Variants in CASP8 observed in about 807,000 individuals in gnomAD.
CASP8 encodes the protein caspase-8.
In CASP8, 24 loss-of-function variants were observed where a neutral mutation model predicts 46.3. That is an observed-to-expected ratio of 0.52 (90% CI 0.38 to 0.73). CASP8 has a LOEUF of 0.73. Ranked by LOEUF, CASP8 falls within the 30% of genes least tolerant of loss-of-function variation. The pLI, the probability that CASP8 is intolerant of heterozygous loss-of-function variation, is 0.00. For synonymous variants in CASP8, 188 were observed against 200.4 expected (o/e 0.94, Z 0.52); for missense variants, 460 against 559.0 (o/e 0.82, Z 1.79).
At position 201,276,791 on chromosome 2, in the gene CASP8, C is replaced by T. The variant is rs779640487; in HGVS notation, c.661-36C>T. 9 of 1,613,446 alleles carry T rather than the reference C, an allele frequency of 5.6e-6. No individual in the cohort carries two copies. In the African/African-American group the frequency reaches 1.2e-4, roughly 22 times the overall value. Reference sequence around the variant, plus strand: ...GTTTACATCTCTAGTGTTTGACCCACAGAGTCAGCTCCTGGGTTGGGTTTT... The same window carrying T: ...GTTTACATCTCTAGTGTTTGACCCATAGAGTCAGCTCCTGGGTTGGGTTTT... On this transcript the variant is annotated intron_variant, in intron 6 of 8. Coordinates refer to ENST00000673742, the MANE Select transcript of CASP8 (RefSeq NM_001372051.1).
intron 2 of CASP8, among the ~76,000 whole-genome samples, chr2:201,245,773 T>TG (rs1472107612): frequency 6.6e-6 from 1 of 152,176 alleles, no homozygotes; most frequent in Non-Finnish European, 1.5e-5. Flanking sequence ...TGGGCATGTA[T>TG]CTCCCTGCTG....
intron 7 of CASP8, chr2:201,281,718 C>G (rs1949025208): frequency 2.0e-6 from 1 of 507,784 alleles, no homozygotes; most frequent in Non-Finnish European, 3.4e-6. Flanking sequence ...ATAATATAAT[C>G]ATTTTTAAAA....
At chr2:201,258,190 G>A, upstream of CASP8, 3 of 1,601,378 alleles carry the variant, frequency 1.9e-6, no homozygotes, top group Non-Finnish European at 2.6e-6. Flanking sequence ...TTTTTTTCAA[G>A]CCCTGCTGAA....
chr2:201,258,077 G>A, upstream of CASP8: 1 of 798,618 alleles, frequency 1.3e-6, no homozygotes, highest in Non-Finnish European at 2.1e-6. Flanking sequence ...TTACCCTGCA[G>A]TTCCTTCTGT....
At chr2:201,249,281 A>G (rs886676671) in intron 2 of CASP8, among the ~76,000 whole-genome samples, 1 of 152,198 alleles carries the variant, frequency 6.6e-6, no homozygotes, top group Non-Finnish European at 1.5e-5. Context: ...TTATTTTTAT[A>G]TGGCTATCTT....
chr2:201,286,426 C>T, intron 8 of CASP8, 33 bp from the exon 9 acceptor site: 1 of 1,607,554 alleles, frequency 6.2e-7, no homozygotes, highest in Non-Finnish European at 8.5e-7. Context: ...CTTTCCCCCA[C>T]AGACAGTCAC....
intron 2 of CASP8, among the ~76,000 whole-genome samples, chr2:201,234,360 C>A (rs763439656): frequency 6.6e-6 from 1 of 152,190 alleles, no homozygotes; most frequent in Non-Finnish European, 1.5e-5. Flanking sequence ...GTGCGGGACC[C>A]CACAACTGTG....
intron 2 of CASP8, among the ~76,000 whole-genome samples, chr2:201,244,597 T>G (rs968716950): frequency 6.6e-6 from 1 of 152,190 alleles, no homozygotes; most frequent in Non-Finnish European, 1.5e-5. Context: ...TACATTGATA[T>G]CCATCCCTTG....
At chr2:201,281,597 A>G (rs201103105) in intron 7 of CASP8, among the ~76,000 whole-genome samples, 3 of 142,350 alleles carry the variant, frequency 2.1e-5, no homozygotes, top group Admixed American at 1.5e-4. Flanking sequence ...GTTCTATCTT[A>G]TTAATTCATA....
At chr2:201,278,605 T>C (rs1470111359) in intron 7 of CASP8, among the ~76,000 whole-genome samples, 4 of 152,034 alleles carry the variant, frequency 2.6e-5, no homozygotes, top group East Asian at 1.9e-4. Context: ...AACATGATCT[T>C]GGCTCACCGC....
At chr2:201,277,301 T>C (rs1047654965) in intron 7 of CASP8, among the ~76,000 whole-genome samples, 5 of 152,202 alleles carry the variant, frequency 3.3e-5, no homozygotes, top group African/African-American at 1.2e-4. Flanking sequence ...GAAATTGCTG[T>C]GGTATCAAAG....
At chr2:201,277,318 T>C (rs559462480) in intron 7 of CASP8, among the ~76,000 whole-genome samples, 3 of 152,324 alleles carry the variant, frequency 2.0e-5, no homozygotes, top group Admixed American at 6.5e-5. Flanking sequence ...AAAGTTCTTA[T>C]AGAGGCTGCA....
chr2:201,273,950 T>C (rs949220742), intron 5 of CASP8, among the ~76,000 whole-genome samples: 1 of 152,132 alleles, frequency 6.6e-6, no homozygotes, highest in Non-Finnish European at 1.5e-5. Flanking sequence ...GCTGGGACTA[T>C]AGGCAATTAA....
chr2:201,238,762 T>C (rs1035776591), intron 2 of CASP8, among the ~76,000 whole-genome samples: 1 of 136,440 alleles, frequency 7.3e-6, no homozygotes, highest in Non-Finnish European at 1.5e-5. Flanking sequence ...CTTTTTATTT[T>C]ATTTATTTAT....
At chr2:201,257,668 T>C (rs1947090835), upstream of CASP8, among the ~76,000 whole-genome samples, 2 of 152,114 alleles carry the variant, frequency 1.3e-5, no homozygotes, top group Admixed American at 6.5e-5. Flanking sequence ...CTAAGCCAAG[T>C]AGGGCTGAGC....
intron 1 of CASP8, among the ~76,000 whole-genome samples, chr2:201,261,717 C>CGGTTAGGG (rs1219550621): frequency 1.3e-5 from 2 of 152,128 alleles, no homozygotes; most frequent in Admixed American, 6.5e-5. Flanking sequence ...TACTACCTGC[C>CGGTTAGGG]GGTTAGGGGT....
intron 2 of CASP8, among the ~76,000 whole-genome samples, chr2:201,237,177 G>A (rs1233299066): frequency 1.4e-5 from 2 of 138,300 alleles, no homozygotes; most frequent in Non-Finnish European, 3.0e-5. Flanking sequence ...TGCAACCTCC[G>A]CCTCCCAGGT....
rs1161049729 is a variant in CASP8 at position 201,272,855 on chromosome 2, G to A, written c.551-43G>A. The A allele has an allele frequency of 6.2e-7, 1 of 1,613,872 alleles. No individual in the cohort carries two copies. Among genetic ancestry groups the A allele is most frequent in the Non-Finnish European group, 8.5e-7 (1 of 1,179,722 alleles). On this transcript the variant is annotated intron_variant, in intron 4 of 8. Coordinates refer to ENST00000673742, the MANE Select transcript of CASP8 (RefSeq NM_001372051.1). The surrounding 1 kb of genome is among the most constrained non-coding windows in gnomAD (Gnocchi z 4.4). ...TGACAAATCGCTCCATATCACAGTTGTTTCTAATCAAATATTGTTTGGGGT... is the reference window on the plus strand; with the variant it reads ...TGACAAATCGCTCCATATCACAGTTATTTCTAATCAAATATTGTTTGGGGT...
intron 2 of CASP8, chr2:201,241,094 C>G (rs1033020336): frequency 2.0e-5 from 3 of 151,970 alleles, no homozygotes; most frequent in African/African-American, 7.3e-5. Context: ...AGAAAGATCT[C>G]AAGTAAATAG....
Sources: gnomAD v4.1 joint callset for allele counts (sites outside exome capture counted in the v4.1 genomes callset) on GRCh38, gnomAD v4.1.1 for gene constraint, Gnocchi (gnomAD v3.1) non-coding constraint, MANE v1.5 for transcripts, NCBI Gene and HGNC (gene_info 2026-07-23, HGNC 2026-07-21) for gene names.